Variants in ITGA8 observed in about 807,000 individuals in gnomAD.
ITGA8 encodes the protein integrin subunit alpha 8.
ITGA8 carries 91 observed loss-of-function variants against 142.3 expected under a neutral mutation model. The observed-to-expected ratio is 0.64, with a 90% CI of 0.54 to 0.76. The LOEUF is 0.76. Among genes scored for constraint, ITGA8 ranks in the 30% least tolerant of loss-of-function variants. The pLI is 0.00. For missense variants in ITGA8, 1,406 were observed against 1,327.7 expected (o/e 1.06, Z -0.92); for synonymous variants, 505 against 485.2 (o/e 1.04, Z -0.54).
chr10:15,616,408 A>T, intron 14 of ITGA8, 106 bp downstream of exon 14: 1 of 884,950 alleles, frequency 1.1e-6, no homozygotes, highest in East Asian at 2.5e-5. Context: ...AGAGCATCTA[A>T]ATATTCCCCA....
intron 2 of ITGA8, among the ~76,000 whole-genome samples, chr10:15,705,138 C>G (rs1835234196): frequency 6.6e-6 from 1 of 152,120 alleles, no homozygotes; most frequent in South Asian, 2.1e-4. Context: ...GGGAGATCTT[C>G]TTAAATCCTA....
chr10:15,607,531 T>G (rs1160008808), intron 17 of ITGA8, 146 bp downstream of exon 17: 1 of 728,892 alleles, frequency 1.4e-6, no homozygotes, highest in Non-Finnish European at 2.4e-6. Context: ...GGAGAGTATT[T>G]GACCCTAAAA....
chr10:15,647,434 C>A (rs940039659), intron 11 of ITGA8, among the ~76,000 whole-genome samples: 4 of 146,132 alleles, frequency 2.7e-5, no homozygotes, highest in South Asian at 2.2e-4. Context: ...TATGACTATA[C>A]ATTTAAATTA....
chr10:15,538,464 A>AG (rs1833496578), intron 27 of ITGA8, among the ~76,000 whole-genome samples: 2 of 146,234 alleles, frequency 1.4e-5, no homozygotes, highest in Non-Finnish European at 3.0e-5. Context: ...GTGAGCTGAG[A>AG]TCATGCCACT....
chr10:15,595,360 T>C (rs1299441669), intron 21 of ITGA8, among the ~76,000 whole-genome samples: 1 of 152,162 alleles, frequency 6.6e-6, no homozygotes, highest in African/African-American at 2.4e-5. Flanking sequence ...AAGAAGAATA[T>C]AAATCAAAGT....
intron 28 of ITGA8, among the ~76,000 whole-genome samples, chr10:15,520,609 C>T (rs117110934): frequency 0.012 from 1,857 of 152,274 alleles, 18 homozygotes; most frequent in Non-Finnish European, 0.016. Context: ...CCTGTGCCTC[C>T]GGAGGCCGAG....
At chr10:15,616,624 A>G in intron 13 of ITGA8, 65 bp from the exon 14 acceptor site, 1 of 1,358,264 alleles carries the variant, frequency 7.4e-7, no homozygotes, top group Admixed American at 1.7e-5. Context: ...TAAGTTCAAA[A>G]TCGTAAGTAG....
At chr10:15,660,975 A>T in intron 8 of ITGA8, 53 bp from the exon 9 acceptor site, 1 of 1,408,838 alleles carries the variant, frequency 7.1e-7, no homozygotes, top group Non-Finnish European at 1.0e-6. Context: ...ACACAAACAC[A>T]CACACACACG....
chr10:15,597,144 C>T, intron 21 of ITGA8, 63 bp downstream of exon 21: 1 of 1,309,636 alleles, frequency 7.6e-7, no homozygotes, highest in Non-Finnish European at 1.1e-6. Context: ...GGAGAGCTTT[C>T]CATTTGTTCC....
intron 2 of ITGA8, among the ~76,000 whole-genome samples, chr10:15,714,194 A>G (rs1293456544): frequency 6.6e-6 from 1 of 152,222 alleles, no homozygotes. Context: ...TCATTATTCC[A>G]AAGATGACAG....
intron 2 of ITGA8, among the ~76,000 whole-genome samples, chr10:15,708,605 A>T (rs575587172): frequency 6.6e-6 from 1 of 152,202 alleles, no homozygotes; most frequent in South Asian, 2.1e-4. Context: ...AGTTTTAATC[A>T]CATTTCCCAA....
At chr10:15,531,288 A>G (rs1207127954) in intron 27 of ITGA8, 137 bp from the exon 28 acceptor site, 3 of 478,122 alleles carry the variant, frequency 6.3e-6, no homozygotes, top group Non-Finnish European at 1.1e-5. Context: ...CTCTCTTTTA[A>G]CTTTTTTTTC....
chr10:15,533,913 C>CTTTTT (rs572087349), intron 27 of ITGA8, among the ~76,000 whole-genome samples: 73 of 146,758 alleles, frequency 5.0e-4, no homozygotes, highest in African/African-American at 5.8e-4. Flanking sequence ...CATCACCAAT[C>CTTTTT]TTTTTTTTTT....
At chr10:15,653,348 T>TA (rs34436865) in intron 11 of ITGA8, among the ~76,000 whole-genome samples, 142,026 of 152,208 alleles carry the variant, frequency 0.93, 66,899 homozygotes, top group Non-Finnish European at 1. Context: ...TAATAGACTT[T>TA]TTTTTTAGAG....
rs117287192 is a variant in ITGA8 at position 15,561,804 on chromosome 10, C to T, written c.2638-3602G>A. ...GGTGGTGTATTAGTCCATTCACACA[C>T]CCCTATAAAGAACTGTCCAAGACTG... On this transcript the variant is annotated intron_variant, in intron 25 of 29. Coordinates refer to ENST00000378076, the MANE Select transcript of ITGA8 (RefSeq NM_003638.3). Among the ~76,000 whole-genome samples, 205 of 152,198 alleles carry T rather than the reference C, an allele frequency of 1.3e-3. 2 individuals carry two copies. The East Asian group carries it at 0.035, about 26-fold the overall frequency.
At chr10:15,546,190 G>A (rs1350163077) in intron 27 of ITGA8, among the ~76,000 whole-genome samples, 1 of 152,086 alleles carries the variant, frequency 6.6e-6, no homozygotes, top group Non-Finnish European at 1.5e-5. Flanking sequence ...CCACTGCCCT[G>A]ATCTCCCTAC....
At chr10:15,594,417 G>C (rs929893061) in intron 21 of ITGA8, among the ~76,000 whole-genome samples, 1 of 152,116 alleles carries the variant, frequency 6.6e-6, no homozygotes, top group East Asian at 1.9e-4. Flanking sequence ...ATTGAGTGAA[G>C]GTTGTATGTT....
intron 2 of ITGA8, among the ~76,000 whole-genome samples, chr10:15,688,750 T>C (rs1834879224): frequency 6.6e-6 from 1 of 152,152 alleles, no homozygotes; most frequent in Non-Finnish European, 1.5e-5. Context: ...GCAAAAACCA[T>C]ATGATCATCT....
At chr10:15,653,451 T>C (rs998543893) in intron 11 of ITGA8, among the ~76,000 whole-genome samples, 5 of 152,218 alleles carry the variant, frequency 3.3e-5, no homozygotes, top group African/African-American at 1.2e-4. Context: ...TTCCACACCG[T>C]CACATCAGAG....
Sources: gnomAD v4.1 joint callset for allele counts (sites outside exome capture counted in the v4.1 genomes callset) on GRCh38, gnomAD v4.1.1 for gene constraint, MANE v1.5 for transcripts, NCBI Gene and HGNC (gene_info 2026-07-23, HGNC 2026-07-21) for gene names.